NDUFV3: variants seen among roughly 807,000 people sequenced by gnomAD.
NDUFV3 encodes NADH:ubiquinone oxidoreductase subunit V3.
In NDUFV3, 44 loss-of-function variants were observed where a neutral mutation model predicts 37.5. That is an observed-to-expected ratio of 1.17 (90% CI 0.92 to 1.51). The LOEUF is 1.51. Among genes scored for constraint, NDUFV3 ranks in the 40% most tolerant of loss-of-function variants. NDUFV3 has a pLI of 0.00. For missense variants in NDUFV3, 580 were observed against 580.4 expected, an observed-to-expected ratio of 1.00 and a Z score of 0.01; for synonymous variants, 235 against 239.3, an observed-to-expected ratio of 0.98 and a Z score of 0.17.
chr21:42,899,029 G>A (rs933572336), intron 2 of NDUFV3, among the ~76,000 whole-genome samples: 9 of 152,164 alleles, frequency 5.9e-5, no homozygotes, highest in African/African-American at 1.9e-4. Flanking sequence ...TTTGGGGAGG[G>A]GAACACTGAC....
In NDUFV3 at chr21:42,893,343, C is replaced by G; in HGVS notation, c.10C>G (p.Pro4Ala). 1.9e-6 allele frequency: 3 copies of G among 1,538,506 alleles called. No individual in the cohort carries two copies. Among genetic ancestry groups the G allele is most frequent in the Non-Finnish European group, 2.6e-6 (3 of 1,146,392 alleles). ...GCCCGCTGTCACCGCCATGGCTGCC[C>G]CGTGTTTGCTGCGGCAAGGACGAGC... MAA[P>A]CLLRQGRAGA... Residue 4 changes from proline to alanine, a missense_variant, in exon 1 of 4, where the codon CCG becomes GCG. Pro to Ala is a conservative substitution (Grantham distance 27). Transcript: ENST00000354250.
chr21:42,899,671 T>C (rs1363078996), intron 2 of NDUFV3, among the ~76,000 whole-genome samples: 1 of 152,096 alleles, frequency 6.6e-6, no homozygotes. Flanking sequence ...TCTCCATCTC[T>C]TGACCTCGTG....
intron 3 of NDUFV3, among the ~76,000 whole-genome samples, 194 bp downstream of exon 3, chr21:42,904,470 A>G (rs1463028799): frequency 1.3e-5 from 2 of 150,704 alleles, no homozygotes; most frequent in African/African-American, 4.9e-5. Flanking sequence ...TATATTTAGA[A>G]TCCCTAAAAT....
chr21:42,902,287 G>T (rs2058720737), intron 2 of NDUFV3, among the ~76,000 whole-genome samples: 1 of 152,074 alleles, frequency 6.6e-6, no homozygotes, highest in Admixed American at 6.6e-5. Context: ...ACTTGTAGAG[G>T]TTTCCATTAC....
At position 42,903,465 on chromosome 21, in the gene NDUFV3, T is replaced by C; in HGVS notation, c.453T>C (p.Pro151=). The change falls in exon 3 of 4, where the codon CCT becomes CCC. Residue 151 remains proline, a synonymous_variant. Transcript: ENST00000354250. ...ARQVGRKVTS[P]SSSSSSSSSD... is the part of the protein sequence containing the mutation. ...AGGTGGGTCGGAAAGTGACGTCGCC[T>C]TCGTCTTCATCCTCTTCCAGCTCCT... The C allele has an allele frequency of 6.2e-7, 1 of 1,614,092 alleles. No homozygotes were observed.
rs754202921 is a variant in NDUFV3, at chr21:42,903,373, TTGG to T, written c.363_365del (p.Val122del). ...TCCGAAATTTTTGTCAAGAAAGACTTTGGTAGAGTTTCCACAGAAAGTTCTGTC... is the reference window on the plus strand; with the variant it reads ...TCCGAAATTTTTGTCAAGAAAGACTTTAGAGTTTCCACAGAAAGTTCTGTC... On this transcript the variant is annotated inframe_deletion, in exon 3 of 4. Transcript: ENST00000354250. The T allele has an allele frequency of 2.0e-5, 32 of 1,614,026 alleles. No individual in the cohort carries two copies. Among genetic ancestry groups the T allele is most frequent in the Non-Finnish European group, 2.6e-5 (31 of 1,180,022 alleles).
chr21:42,899,553 T>G (rs1458565930), intron 2 of NDUFV3, among the ~76,000 whole-genome samples: 5 of 152,200 alleles, frequency 3.3e-5, no homozygotes, highest in Non-Finnish European at 5.9e-5. Flanking sequence ...CAAGCCATTC[T>G]CCTGCCCCAT....
intron 1 of NDUFV3, 34 bp downstream of exon 1, chr21:42,893,415 GC>G: frequency 6.5e-7 from 1 of 1,534,400 alleles, no homozygotes. Context: ...TGGCTGCGCG[GC>G]CCCGAGCCTA....
Position 42,910,683 on chromosome 21 carries a change from CGTGCG to C in NDUFV3, c.*1667_*1671del, listed in dbSNP as rs2058766523. 1 of 92,346 alleles carries C rather than the reference CGTGCG, an allele frequency of 1.1e-5. No individual in the cohort carries two copies. The highest frequency in any genetic ancestry group is 4.4e-5 in the African/African-American group (1 of 22,800). The allele number at this position is 92,346 out of a possible 1,614,324, so 5.7% of individuals were successfully genotyped here. On this transcript the variant is annotated 3_prime_UTR_variant, in exon 4 of 4. Transcript: ENST00000354250. ...GACGGAGTAGGAAGAGGTGAAGTTTCGTGCGGTGCAGGGACGGAGTAGGAAGAGGT... is the reference window on the plus strand; with the variant it reads ...GACGGAGTAGGAAGAGGTGAAGTTTCGTGCAGGGACGGAGTAGGAAGAGGT...
At chr21:42,908,146 A>G (rs1288017958) in intron 3 of NDUFV3, among the ~76,000 whole-genome samples, 1 of 150,862 alleles carries the variant, frequency 6.6e-6, no homozygotes, top group African/African-American at 2.4e-5. Context: ...GTCTCTACTA[A>G]AAATACAAAA....
chr21:42,897,085 C>T, intron 2 of NDUFV3, 38 bp downstream of exon 2: 1 of 1,609,852 alleles, frequency 6.2e-7, no homozygotes, highest in Non-Finnish European at 8.5e-7. Flanking sequence ...AAAGAGAATG[C>T]AAAAAGAAAA....
At chr21:42,898,555 G>A (rs981113835) in intron 2 of NDUFV3, among the ~76,000 whole-genome samples, 1 of 151,950 alleles carries the variant, frequency 6.6e-6, no homozygotes, top group Admixed American at 6.6e-5. Flanking sequence ...CTGCAGCCTC[G>A]ACCTTCCAAG....
In NDUFV3 at chr21:42,894,389, A is replaced by ATAT; in HGVS notation, c.48+1009_48+1011dup. Among the ~76,000 whole-genome samples, 4 of 34,152 alleles carry ATAT rather than the reference A, an allele frequency of 1.2e-4. No homozygotes were observed. In the African/African-American group the frequency reaches 1.5e-3, roughly 13 times the overall value. The allele number at this position is 34,152 out of a possible 152,430, so 22.4% of individuals were successfully genotyped here. On this transcript the variant is annotated intron_variant, in intron 1 of 3. Coordinates refer to ENST00000354250, the MANE Select transcript of NDUFV3 (RefSeq NM_021075.4). Reference sequence around the variant, plus strand: ...ATATATATTTATATAATATGTAAATATATATTATATATTTATATAATATAT... The same window carrying ATAT: ...ATATATATTTATATAATATGTAAATATATTATATTATATATTTATATAATATAT...
chr21:42,897,922 C>T (rs1392258072), intron 2 of NDUFV3, among the ~76,000 whole-genome samples: 4 of 152,156 alleles, frequency 2.6e-5, no homozygotes, highest in Non-Finnish European at 5.9e-5. Context: ...GTGATCCGCC[C>T]GCCTTGGCCT....
rs904521960 is a variant in NDUFV3 at position 42,896,910 on chromosome 21, A to G, written c.49-17A>G. The stretch of plus-strand genomic sequence containing the variant: ...GGCATTACTCTAAACATCCATATTC[A>G]TTAATTCTTTTGTCAGACTATGCTC... On this transcript the variant is annotated splice_polypyrimidine_tract_variant and intron_variant, in intron 1 of 3. Coordinates refer to ENST00000354250, the MANE Select transcript of NDUFV3 (RefSeq NM_021075.4). 8.7e-6 allele frequency: 14 copies of G among 1,607,812 alleles called. No individual in the cohort carries two copies. The East Asian group carries it at 2.7e-4, about 31-fold the overall frequency.
chr21:42,899,818 G>T (rs1208977415), intron 2 of NDUFV3, among the ~76,000 whole-genome samples: 1 of 146,582 alleles, frequency 6.8e-6, no homozygotes, highest in East Asian at 2.0e-4. Context: ...GACCTCAGAT[G>T]ATCCTCCTGC....
Position 42,894,193 on chromosome 21 carries a change from G to A in NDUFV3, c.48+812G>A, listed in dbSNP as rs568581687. Among the ~76,000 whole-genome samples the A allele has an allele frequency of 6.2e-5, 9 of 145,636 alleles. No individual in the cohort carries two copies. The South Asian group carries it at 1.5e-3, about 24-fold the overall frequency. On this transcript the variant is annotated intron_variant, in intron 1 of 3. Transcript: ENST00000354250. ...TCATACCACTGCACTCCAGCCTGGG[G>A]GACAGAATAAATAAATAAATAAAAT...
rs1601227352 is a variant in NDUFV3, at chr21:42,909,097, G to A, written c.*76G>A. Reference sequence around the variant, plus strand: ...GTGCAAAAATAAAATCCACTCAAGAGTCACAAGGCCCGCTGTGCATAATCG... The same window carrying A: ...GTGCAAAAATAAAATCCACTCAAGAATCACAAGGCCCGCTGTGCATAATCG... On this transcript the variant is annotated 3_prime_UTR_variant, in exon 4 of 4. Coordinates refer to ENST00000354250, the MANE Select transcript of NDUFV3 (RefSeq NM_021075.4). 7.6e-7 allele frequency: 1 copy of A among 1,307,800 alleles called. No homozygotes were observed. The highest frequency in any genetic ancestry group is 2.5e-5 in the East Asian group (1 of 39,514). 81.0% of individuals were successfully genotyped at this position (1,307,800 alleles called of 1,614,324 possible).
At chr21:42,896,501 C>T (rs1693255383) in intron 1 of NDUFV3, among the ~76,000 whole-genome samples, 2 of 151,882 alleles carry the variant, frequency 1.3e-5, no homozygotes, top group Non-Finnish European at 2.9e-5. Context: ...GGTCTCAGAA[C>T]TCCTGACCTC....
Sources: gnomAD v4.1 joint callset for allele counts (sites outside exome capture counted in the v4.1 genomes callset) on GRCh38, gnomAD v4.1.1 for gene constraint, MANE v1.5 for transcripts, NCBI Gene and HGNC (gene_info 2026-07-23, HGNC 2026-07-21) for gene names.